COLEC12: variants seen among roughly 807,000 people sequenced by gnomAD.
The protein encoded by COLEC12 is collectin subfamily member 12.
A neutral mutation model predicts 71.1 loss-of-function variants in COLEC12; 33 were observed. That is an observed-to-expected ratio of 0.46 (90% confidence interval 0.35 to 0.62). The LOEUF is 0.62. COLEC12 is among the 20% of genes least tolerant of loss of function. The pLI, the probability that COLEC12 is intolerant of heterozygous loss-of-function variation, is 0.00. For missense variants in COLEC12, 765 were observed against 916.1 expected, an observed-to-expected ratio of 0.84 and a Z score of 2.13; for synonymous variants, 350 against 353.0, an observed-to-expected ratio of 0.99 and a Z score of 0.10.
chr18:376,130 G>A (rs1425895250), intron 2 of COLEC12, among the ~76,000 whole-genome samples: 2 of 152,154 alleles, frequency 1.3e-5, no homozygotes, highest in African/African-American at 4.8e-5. Flanking sequence ...TGGGATAGAA[G>A]AGAGGCAGAA....
intron 2 of COLEC12, among the ~76,000 whole-genome samples, chr18:428,276 A>AG (rs1436564672): frequency 7.2e-5 from 11 of 152,186 alleles, no homozygotes; most frequent in Non-Finnish European, 1.6e-4. Context: ...AAAAAAAAAA[A>AG]AGAGCTTTTT....
chr18:401,786 C>T (rs1339819140), intron 2 of COLEC12, among the ~76,000 whole-genome samples: 1 of 152,152 alleles, frequency 6.6e-6, no homozygotes, highest in Non-Finnish European at 1.5e-5. Flanking sequence ...TGTATTGAGG[C>T]TTCATAGCAG....
chr18:463,418 A>C (rs2621176), intron 2 of COLEC12, among the ~76,000 whole-genome samples: 46,663 of 152,144 alleles, frequency 0.31, 8,003 homozygotes, highest in South Asian at 0.46. Context: ...AATTCAGAAG[A>C]TCTATATCAA....
At chr18:328,003 T>C (rs943927709) in intron 8 of COLEC12, among the ~76,000 whole-genome samples, 4 of 152,174 alleles carry the variant, frequency 2.6e-5, no homozygotes, top group Admixed American at 2.6e-4. Flanking sequence ...TCTTCCTTTT[T>C]TTTTCCTCGT....
rs1006773876 is a variant in COLEC12, at chr18:316,757, GTT to G, written c.*3286_*3287del. 3.9e-5 allele frequency: 6 copies of G among 152,098 alleles called. No homozygotes were observed. Among genetic ancestry groups the G allele is most frequent in the African/African-American group, 1.2e-4 (5 of 41,412 alleles). 9.4% of individuals were successfully genotyped at this position (152,098 alleles called of 1,614,324 possible). A position where few individuals can be genotyped will look rare whatever the true frequency, so the allele number is the denominator to read the frequency against. ...ATTGATCGTAGAAAAGGAAAAGAAA[GTT>G]TTTATTTTTTGCCTTGTTGTGCATT... On this transcript the variant is annotated 3_prime_UTR_variant, in exon 10 of 10. Coordinates refer to ENST00000400256, the MANE Select transcript of COLEC12 (RefSeq NM_130386.3).
rs191577020 is a variant in COLEC12 at position 482,714 on chromosome 18, C to T, written c.8-1957G>A. ...GCAACCTCCGCCTCCTGGGTTCAAG[C>T]GATTCTCCTGCCTCAGCCTCCCAAG... On this transcript the variant is annotated intron_variant, in intron 1 of 9. Transcript: ENST00000400256. 3.0e-3 allele frequency among the ~76,000 whole-genome samples: 448 copies of T among 151,756 alleles called. 1 individual carries two copies. Among genetic ancestry groups the T allele is most frequent in the African/African-American group, 0.01 (429 of 41,390 alleles).
intron 5 of COLEC12, among the ~76,000 whole-genome samples, chr18:345,962 G>A (rs1235675501): frequency 1.3e-5 from 2 of 152,184 alleles, no homozygotes; most frequent in Admixed American, 6.5e-5. Flanking sequence ...TGTTCTGGCA[G>A]CAGCCAGCTG....
At chr18:338,129 CCA>C (rs1453135534) in intron 5 of COLEC12, among the ~76,000 whole-genome samples, 2 of 152,176 alleles carry the variant, frequency 1.3e-5, no homozygotes, top group African/African-American at 2.4e-5. Flanking sequence ...TCTGTATTTT[CCA>C]CACATCTCTT....
At chr18:335,719 A>G (rs1199217647) in intron 5 of COLEC12, among the ~76,000 whole-genome samples, 2 of 152,044 alleles carry the variant, frequency 1.3e-5, no homozygotes, top group African/African-American at 4.8e-5. Context: ...TCTGTTGTTT[A>G]AGCCTCCCAG....
intron 2 of COLEC12, among the ~76,000 whole-genome samples, chr18:400,916 C>T (rs796700688): frequency 6.6e-6 from 1 of 152,162 alleles, no homozygotes; most frequent in Non-Finnish European, 1.5e-5. Flanking sequence ...AACCTTCTTT[C>T]CCTGAATTTT....
rs553400770 is a variant in COLEC12 at position 435,134 on chromosome 18, A to G, written c.58+45573T>C. ...TATTAAAGATTCTGGCACCGAGCAC[A>G]CTCTCTTGCACATTATTAATATTCA... On this transcript the variant is annotated intron_variant, in intron 2 of 9. Transcript: ENST00000400256. Among the ~76,000 whole-genome samples, 4 of 152,272 alleles carry G rather than the reference A, an allele frequency of 2.6e-5. No homozygotes were observed. In the South Asian group the frequency reaches 8.3e-4, roughly 32 times the overall value.
intron 2 of COLEC12, among the ~76,000 whole-genome samples, chr18:441,030 C>T (rs1214877828): frequency 9.9e-5 from 15 of 151,424 alleles, no homozygotes; most frequent in Admixed American, 4.6e-4. Flanking sequence ...GGGTGGATCA[C>T]AAGGCCAGGA....
chr18:404,415 C>T (rs896846334), intron 2 of COLEC12, among the ~76,000 whole-genome samples: 9 of 152,124 alleles, frequency 5.9e-5, no homozygotes, highest in African/African-American at 2.2e-4. Flanking sequence ...GGGGAACTAG[C>T]TTATGATGTT....
rs111381780 is a variant in COLEC12 at position 333,460 on chromosome 18, G to A, written c.1817-317C>T. The A allele has an allele frequency of 7.5e-3, 1,575 of 210,506 alleles. 23 individuals carry two copies. The highest frequency in any genetic ancestry group is 0.035 in the African/African-American group (1,497 of 43,344). 13.0% of individuals were successfully genotyped at this position (210,506 alleles called of 1,614,324 possible). On this transcript the variant is annotated intron_variant, in intron 6 of 9. Transcript: ENST00000400256. ...GAAGCAGGGCAGGCACAGATGTTCAGCGTCAGTCTGGAATCATACGGAACC... is the reference window on the plus strand; with the variant it reads ...GAAGCAGGGCAGGCACAGATGTTCAACGTCAGTCTGGAATCATACGGAACC...
chr18:350,065 A>G (rs1914475443), intron 3 of COLEC12, among the ~76,000 whole-genome samples: 1 of 152,198 alleles, frequency 6.6e-6, no homozygotes, highest in Admixed American at 6.5e-5. Context: ...TTGAAACGTG[A>G]GGACATGAGA....
At chr18:406,736 T>C (rs1915798963) in intron 2 of COLEC12, among the ~76,000 whole-genome samples, 1 of 152,192 alleles carries the variant, frequency 6.6e-6, no homozygotes, top group African/African-American at 2.4e-5. Context: ...AGTCAGGCAC[T>C]GGCCTGGTCC....
chr18:497,380 T>C lies in COLEC12; in HGVS notation c.7+3128A>G, dbSNP rs140056809. Reference sequence around the variant, plus strand: ...ACTGATTTTCAATTTGGCTAAAGAATGGGGTGTGTGTGTGTGTGTGTGTGT... The same window carrying C: ...ACTGATTTTCAATTTGGCTAAAGAACGGGGTGTGTGTGTGTGTGTGTGTGT... On this transcript the variant is annotated intron_variant, in intron 1 of 9. Coordinates refer to ENST00000400256, the MANE Select transcript of COLEC12 (RefSeq NM_130386.3). Among the ~76,000 whole-genome samples the C allele has an allele frequency of 3.1e-3, 359 of 116,592 alleles. 2 individuals carry two copies. The highest frequency in any genetic ancestry group is 7.9e-3 in the Middle Eastern group (2 of 252). The allele number at this position is 116,592 out of a possible 152,430, so 76.5% of individuals were successfully genotyped here. A position where few individuals can be genotyped will look rare whatever the true frequency, so the allele number is the denominator to read the frequency against.
chr18:404,094 A>G (rs1915739729), intron 2 of COLEC12, among the ~76,000 whole-genome samples: 1 of 152,252 alleles, frequency 6.6e-6, no homozygotes, highest in East Asian at 1.9e-4. Context: ...TTCACACACC[A>G]TGTCGCCGAT....
Position 396,260 on chromosome 18 carries a change from T to C in COLEC12, c.59-38738A>G, listed in dbSNP as rs185373261. 3.7e-4 allele frequency among the ~76,000 whole-genome samples: 56 copies of C among 152,350 alleles called. 1 individual carries two copies. Among genetic ancestry groups the C allele is most frequent in the African/African-American group, 1.3e-3 (52 of 41,578 alleles). ...CCTGAGTTTCTGCAAACAAACAGCA[T>C]TTGTGCAACAACTCAAAAAGTCCTG... On this transcript the variant is annotated intron_variant, in intron 2 of 9. Transcript: ENST00000400256.
Sources: allele counts gnomAD v4.1 joint callset (sites outside exome capture counted in the v4.1 genomes callset), GRCh38; gene constraint gnomAD v4.1.1; transcripts MANE v1.5; gene names NCBI Gene and HGNC (gene_info 2026-07-23, HGNC 2026-07-21).